Variants in HIVEP3 observed in about 807,000 individuals in gnomAD.
HIVEP3 encodes the protein transcription factor HIVEP3.
A neutral mutation model predicts 152.8 loss-of-function variants in HIVEP3; 49 were observed. The ratio of observed to expected loss-of-function variants is 0.32; its 90% CI spans 0.26 to 0.41. The LOEUF (loss-of-function observed/expected upper bound fraction) is 0.41. Ranked by LOEUF, HIVEP3 falls within the 10% of genes least tolerant of loss-of-function variation. The pLI, the probability that HIVEP3 is intolerant of heterozygous loss-of-function variation, is 1.00. For synonymous variants in HIVEP3, 1,269 were observed against 1,289.0 expected, an observed-to-expected ratio of 0.98 and a Z score of 0.33; for missense variants, 2,790 against 3,103.3, an observed-to-expected ratio of 0.90 and a Z score of 2.40.
chr1:41,587,579 G>T (rs1478204987), intron 3 of HIVEP3, among the ~76,000 whole-genome samples: 1 of 152,230 alleles, frequency 6.6e-6, no homozygotes, highest in Non-Finnish European at 1.5e-5. Context: ...CTAGGCATAA[G>T]TGCCAACTGT....
At chr1:41,858,828 G>A (rs1643841448) in intron 1 of HIVEP3, among the ~76,000 whole-genome samples, 1 of 152,230 alleles carries the variant, frequency 6.6e-6, no homozygotes, top group South Asian at 2.1e-4. Context: ...AAAGGCCTCT[G>A]TGACCTGCAT....
intron 2 of HIVEP3, among the ~76,000 whole-genome samples, chr1:41,647,390 A>G (rs1160590269): frequency 6.6e-6 from 1 of 152,212 alleles, no homozygotes; most frequent in Non-Finnish European, 1.5e-5. Context: ...CCTGCTTAGC[A>G]CACATCACCA....
chr1:41,599,380 C>T (rs532656595), intron 3 of HIVEP3, among the ~76,000 whole-genome samples: 6 of 152,240 alleles, frequency 3.9e-5, no homozygotes, highest in South Asian at 2.1e-4. Flanking sequence ...TTGACAAACG[C>T]GTAATCACAT....
chr1:41,829,934 G>C (rs12063217), intron 1 of HIVEP3, among the ~76,000 whole-genome samples: 2,681 of 152,260 alleles, frequency 0.018, 93 homozygotes, highest in African/African-American at 0.062. Context: ...TCATTTGCAT[G>C]TACAAGGCAA....
intron 1 of HIVEP3, among the ~76,000 whole-genome samples, chr1:41,970,488 G>C (rs1364998754): frequency 6.6e-6 from 1 of 152,178 alleles, no homozygotes; most frequent in Non-Finnish European, 1.5e-5. Context: ...TGAACAATGT[G>C]AACACATAGA....
intron 1 of HIVEP3, among the ~76,000 whole-genome samples, chr1:41,799,277 T>G (rs1650164920): frequency 6.6e-6 from 1 of 152,234 alleles, no homozygotes; most frequent in African/African-American, 2.4e-5. Context: ...GTCTGCTGTC[T>G]GCCTCCCTCC....
chr1:41,524,792 G>A lies in HIVEP3; in HGVS notation c.5326C>T (p.His1776Tyr), dbSNP rs1642852937. The part of the protein sequence containing the change: ...PSMLKKHIRT[H>Y]TDVRPYVCKH... The stretch of plus-strand genomic sequence containing the variant: ...CACACATAGGGCCGGACGTCAGTGT[G>A]GGTGCGGATGTGTTTCTTCAGCATG... Residue 1776 changes from histidine (H) to tyrosine (Y), a missense_variant, in exon 6 of 9, where the codon CAC becomes TAC. Physicochemically the swap from His to Tyr is moderately conservative, Grantham distance 83. This residue lies in a region of HIVEP3 where 57 missense variants were observed against 95.1 expected (regional missense o/e 0.60). Coordinates refer to ENST00000372583, the MANE Select transcript of HIVEP3 (RefSeq NM_024503.5). 1.2e-6 allele frequency: 2 copies of A among 1,614,180 alleles called. No individual in the cohort carries two copies. Among genetic ancestry groups the A allele is most frequent in the Non-Finnish European group, 1.7e-6 (2 of 1,180,028 alleles).
chr1:41,892,378 G>A (rs149355498), intron 1 of HIVEP3, among the ~76,000 whole-genome samples: 184 of 152,268 alleles, frequency 1.2e-3, no homozygotes, highest in Non-Finnish European at 1.8e-3. Flanking sequence ...CTTTGAGAGC[G>A]GAACTAGCAG....
chr1:41,582,387 C>T lies in HIVEP3; in HGVS notation c.2411G>A (p.Ser804Asn), dbSNP rs1644427383. 6.2e-7 allele frequency: 1 copy of T among 1,614,088 alleles called. No homozygotes were observed. Among genetic ancestry groups the T allele is most frequent in the Non-Finnish European group, 8.5e-7 (1 of 1,180,030 alleles). Residue 804 changes from serine (S) to asparagine (N), a missense_variant, in exon 4 of 9, where the codon AGC (serine) becomes AAC (asparagine). Coordinates refer to ENST00000372583, the MANE Select transcript of HIVEP3 (RefSeq NM_024503.5). The surrounding 1 kb of genome is among the most constrained non-coding windows in gnomAD (Gnocchi z 4.7). ...SKEISVIQHT[S>N]SFEKSDSLEQ... ...GAGAGAATCAGATTTCTCAAAGGAG[C>T]TGGTGTGCTGGATGACAGAAATTTC...
chr1:41,553,464 C>T (rs1050064428), intron 5 of HIVEP3, among the ~76,000 whole-genome samples: 1 of 152,200 alleles, frequency 6.6e-6, no homozygotes, highest in African/African-American at 2.4e-5. Flanking sequence ...AATTGACAGT[C>T]TGTGTCTTTT....
chr1:41,930,601 C>T (rs1027806522), intron 1 of HIVEP3, among the ~76,000 whole-genome samples: 6 of 152,080 alleles, frequency 3.9e-5, no homozygotes, highest in Non-Finnish European at 8.8e-5. Context: ...TAAGTGAACA[C>T]AAAATTTCAA....
At chr1:41,668,843 A>G (rs1204491771) in intron 2 of HIVEP3, among the ~76,000 whole-genome samples, 1 of 152,178 alleles carries the variant, frequency 6.6e-6, no homozygotes, top group Non-Finnish European at 1.5e-5. Context: ...ATAGTAAAGT[A>G]TTTGTGTCTG....
chr1:41,766,397 T>A (rs1393856507), intron 1 of HIVEP3, among the ~76,000 whole-genome samples: 2 of 152,208 alleles, frequency 1.3e-5, no homozygotes, highest in African/African-American at 2.4e-5. Flanking sequence ...TCAATAGTGC[T>A]GAGATTTAAA....
At chr1:41,535,247 G>A (rs1643369235) in intron 5 of HIVEP3, among the ~76,000 whole-genome samples, 1 of 152,134 alleles carries the variant, frequency 6.6e-6, no homozygotes, top group African/African-American at 2.4e-5. Flanking sequence ...AAATAAGAAT[G>A]GCATCACTCC....
At chr1:41,681,909 T>TG (rs1646045419) in intron 2 of HIVEP3, among the ~76,000 whole-genome samples, 2 of 152,214 alleles carry the variant, frequency 1.3e-5, no homozygotes, top group African/African-American at 2.4e-5. Flanking sequence ...AGCTCCCCTC[T>TG]GGGAATGGTG....
chr1:41,838,343 C>G (rs1643188467), intron 1 of HIVEP3, among the ~76,000 whole-genome samples: 1 of 152,170 alleles, frequency 6.6e-6, no homozygotes, highest in Admixed American at 6.5e-5. Flanking sequence ...CCACTCCCAT[C>G]CCTCTAGGCT....
intron 2 of HIVEP3, among the ~76,000 whole-genome samples, chr1:41,669,358 G>T (rs755570213): frequency 1.1e-4 from 16 of 152,290 alleles, no homozygotes; most frequent in Admixed American, 3.3e-4. Flanking sequence ...GCAGTCTGGG[G>T]GTGGGAGGAG....
At chr1:41,585,884 C>T (rs1355015730) in intron 3 of HIVEP3, among the ~76,000 whole-genome samples, 1 of 152,088 alleles carries the variant, frequency 6.6e-6, no homozygotes, top group East Asian at 1.9e-4. Context: ...GTAGATTATT[C>T]TCAGGTTAGT....
Position 41,693,958 on chromosome 1 carries a change from T to C in HIVEP3, c.-721+6958A>G, listed in dbSNP as rs148420339. On this transcript the variant is annotated intron_variant, in intron 2 of 8. Coordinates refer to ENST00000372583, the MANE Select transcript of HIVEP3 (RefSeq NM_024503.5). ...ATACCAATCCTCACGTACACTGATA[T>C]CTACTTCTGGGCTCTCTGTTCCTTG... 5.5e-3 allele frequency among the ~76,000 whole-genome samples: 843 copies of C among 152,334 alleles called. 11 individuals carry two copies. The highest frequency in any genetic ancestry group is 0.02 in the African/African-American group (811 of 41,574).
Sources: gnomAD v4.1 joint callset for allele counts (sites outside exome capture counted in the v4.1 genomes callset) on GRCh38, gnomAD v4.1.1 for gene constraint, gnomAD v4.1.1 regional missense constraint, Gnocchi (gnomAD v3.1) non-coding constraint, MANE v1.5 for transcripts, NCBI Gene and HGNC (gene_info 2026-07-23, HGNC 2026-07-21) for gene names.